SLC25A21: variants seen among roughly 807,000 people sequenced by gnomAD.
SLC25A21 encodes the protein solute carrier family 25 member 21.
A neutral mutation model predicts 43.8 loss-of-function variants in SLC25A21; 47 were observed. That is an observed-to-expected ratio of 1.07 (90% CI 0.85 to 1.37). The LOEUF (loss-of-function observed/expected upper bound fraction) is 1.37. Ranked by LOEUF, SLC25A21 falls within the 40% of genes most tolerant of loss-of-function variation. SLC25A21 has a pLI of 0.00. For missense variants in SLC25A21, 352 were observed against 350.2 expected (o/e 1.00, Z -0.04); for synonymous variants, 131 against 121.3 (o/e 1.08, Z -0.52).
chr14:37,152,900 T>C (rs977387250), intron 1 of SLC25A21, among the ~76,000 whole-genome samples: 13 of 152,080 alleles, frequency 8.5e-5, no homozygotes, highest in Non-Finnish European at 1.5e-4. Context: ...GAATAGTATA[T>C]AGACAGTCAC....
chr14:37,058,281 G>C (rs774466883), intron 1 of SLC25A21, among the ~76,000 whole-genome samples: 1 of 152,256 alleles, frequency 6.6e-6, no homozygotes, highest in African/African-American at 2.4e-5. Context: ...AGCCTTTATA[G>C]TATCTCTTCT....
chr14:36,857,984 A>T (rs1889952729), intron 2 of SLC25A21, among the ~76,000 whole-genome samples: 1 of 152,190 alleles, frequency 6.6e-6, no homozygotes, highest in Non-Finnish European at 1.5e-5. Context: ...TGTGAATGTG[A>T]GTTTCAAACG....
intron 3 of SLC25A21, among the ~76,000 whole-genome samples, chr14:36,762,324 T>C (rs1886188903): frequency 6.6e-6 from 1 of 152,190 alleles, no homozygotes; most frequent in Non-Finnish European, 1.5e-5. Context: ...TTCTATTTTT[T>C]TGCATGAGGA....
chr14:37,080,335 G>A (rs1181538843), intron 1 of SLC25A21, among the ~76,000 whole-genome samples: 4 of 152,208 alleles, frequency 2.6e-5, no homozygotes. Flanking sequence ...CCTCATGCCA[G>A]TAATCCCAGA....
chr14:37,045,928 T>A (rs1185712879), intron 1 of SLC25A21, among the ~76,000 whole-genome samples: 1 of 152,190 alleles, frequency 6.6e-6, no homozygotes, highest in Non-Finnish European at 1.5e-5. Context: ...ATTAACAATG[T>A]TTTTTGTTTC....
chr14:36,893,188 C>T (rs1891130070), intron 1 of SLC25A21, among the ~76,000 whole-genome samples: 1 of 152,182 alleles, frequency 6.6e-6, no homozygotes, highest in African/African-American at 2.4e-5. Context: ...GTTCCTATTT[C>T]TCCACATCCT....
At chr14:36,961,502 C>A (rs1011634386) in intron 1 of SLC25A21, among the ~76,000 whole-genome samples, 1 of 152,188 alleles carries the variant, frequency 6.6e-6, no homozygotes, top group Non-Finnish European at 1.5e-5. Context: ...CACTATTATA[C>A]AAGACCTGGA....
At chr14:36,960,353 T>C (rs1242684764) in intron 1 of SLC25A21, among the ~76,000 whole-genome samples, 1 of 152,136 alleles carries the variant, frequency 6.6e-6, no homozygotes, top group African/African-American at 2.4e-5. Flanking sequence ...AAAATTTGCT[T>C]TCATAAAACT....
At chr14:36,703,561 A>G (rs1471556447) in intron 7 of SLC25A21, among the ~76,000 whole-genome samples, 1 of 152,248 alleles carries the variant, frequency 6.6e-6, no homozygotes, top group Non-Finnish European at 1.5e-5. Flanking sequence ...AAAATTCAAC[A>G]CAAAAGGTCT....
chr14:36,998,962 G>A (rs1045957390), intron 1 of SLC25A21, among the ~76,000 whole-genome samples: 1 of 152,214 alleles, frequency 6.6e-6, no homozygotes, highest in Non-Finnish European at 1.5e-5. Flanking sequence ...CTGTGTGAAT[G>A]CAAAATGGCA....
chr14:36,693,394 C>A (rs1882876860), intron 7 of SLC25A21, among the ~76,000 whole-genome samples: 1 of 152,094 alleles, frequency 6.6e-6, no homozygotes, highest in African/African-American at 2.4e-5. Flanking sequence ...CTGCTGATGA[C>A]AGGCAGGGAG....
At chr14:37,068,316 C>T (rs1013697683) in intron 1 of SLC25A21, among the ~76,000 whole-genome samples, 1 of 152,166 alleles carries the variant, frequency 6.6e-6, no homozygotes, top group Non-Finnish European at 1.5e-5. Context: ...TCCTCTCTGA[C>T]ACCAGGTTCT....
Position 36,743,833 on chromosome 14 carries a change from G to C in SLC25A21, c.204-9260C>G, listed in dbSNP as rs533730415. 6.6e-5 allele frequency among the ~76,000 whole-genome samples: 10 copies of C among 152,174 alleles called. No homozygotes were observed. In the South Asian group the frequency reaches 1.9e-3, roughly 28 times the overall value. On this transcript the variant is annotated intron_variant, in intron 3 of 9. Transcript: ENST00000331299. ...CTCCTAGATTTGATACATGATTTCA[G>C]GAATCAAAATCAACATACCAAAATC...
chr14:37,110,353 A>C (rs576358191), intron 1 of SLC25A21, among the ~76,000 whole-genome samples: 2 of 152,310 alleles, frequency 1.3e-5, no homozygotes, highest in African/African-American at 4.8e-5. Flanking sequence ...ACATTTACCA[A>C]AATCACCTAA....
intron 3 of SLC25A21, among the ~76,000 whole-genome samples, chr14:36,774,569 T>C (rs1200286193): frequency 6.6e-6 from 1 of 152,082 alleles, no homozygotes; most frequent in African/African-American, 2.4e-5. Context: ...GTTGAGTTTA[T>C]TTTAGAGACT....
At chr14:37,110,669 T>C (rs551685977) in intron 1 of SLC25A21, among the ~76,000 whole-genome samples, 1 of 152,278 alleles carries the variant, frequency 6.6e-6, no homozygotes, top group East Asian at 1.9e-4. Context: ...CCCAGCACTA[T>C]AACTTGGTTT....
chr14:37,171,918 C>G (rs1428774113), intron 1 of SLC25A21: 2 of 277,064 alleles, frequency 7.2e-6, no homozygotes, highest in African/African-American at 4.4e-5. Flanking sequence ...ATTGATAAAA[C>G]TAAGTCAGAC....
At chr14:36,970,544 C>A (rs144484752) in intron 1 of SLC25A21, among the ~76,000 whole-genome samples, 2,342 of 152,266 alleles carry the variant, frequency 0.015, 38 homozygotes, top group South Asian at 0.056. Context: ...ATTAAGTCAA[C>A]AATTACCAGC....
intron 1 of SLC25A21, among the ~76,000 whole-genome samples, chr14:37,038,489 A>C (rs994062876): frequency 1.3e-5 from 2 of 152,182 alleles, no homozygotes; most frequent in Non-Finnish European, 2.9e-5. Context: ...TTTCTACTTG[A>C]AAATTAATTT....
Sources: allele counts gnomAD v4.1 joint callset (sites outside exome capture counted in the v4.1 genomes callset), GRCh38; gene constraint gnomAD v4.1.1; transcripts MANE v1.5; gene names NCBI Gene and HGNC (gene_info 2026-07-23, HGNC 2026-07-21).